Variants in TNIK observed in about 807,000 individuals in gnomAD.
TNIK encodes TRAF2 and NCK interacting kinase.
A neutral mutation model predicts 191.3 loss-of-function variants in TNIK; 49 were observed. That is an observed-to-expected ratio of 0.26 (90% CI 0.20 to 0.32). The LOEUF (loss-of-function observed/expected upper bound fraction) is 0.32, where lower values mean the gene tolerates loss of function less well. TNIK is among the 10% of genes least tolerant of loss of function. The probability of loss-of-function intolerance (pLI) is 1.00; values close to 1 mark genes in which losing one functional copy is unlikely to be tolerated. For synonymous variants in TNIK, 594 were observed against 600.9 expected (o/e 0.99, Z 0.17); for missense variants, 1,155 against 1,702.3 (o/e 0.68, Z 5.66).
At chr3:171,099,479 T>C (rs1723156773) in intron 22 of TNIK, among the ~76,000 whole-genome samples, 1 of 151,978 alleles carries the variant, frequency 6.6e-6, no homozygotes, top group South Asian at 2.1e-4. Context: ...TAAATGTAAA[T>C]TATAGTCACT....
At chr3:171,212,802 G>A (rs995266010) in intron 3 of TNIK, among the ~76,000 whole-genome samples, 6 of 152,146 alleles carry the variant, frequency 3.9e-5, no homozygotes, top group African/African-American at 1.4e-4. Context: ...ATGTTAGAAG[G>A]AACAGGTAAG....
chr3:171,409,213 A>G (rs548610690), intron 1 of TNIK, among the ~76,000 whole-genome samples: 1 of 152,346 alleles, frequency 6.6e-6, no homozygotes, highest in Admixed American at 6.5e-5. Flanking sequence ...CCTTGCAAAG[A>G]TCCAAAAGGA....
chr3:171,385,902 C>T (rs1471265695), intron 1 of TNIK, among the ~76,000 whole-genome samples: 1 of 152,040 alleles, frequency 6.6e-6, no homozygotes, highest in Non-Finnish European at 1.5e-5. Flanking sequence ...GACATGCATG[C>T]GATAAAGAAT....
chr3:171,295,004 GAAGA>G (rs970166148), intron 2 of TNIK, among the ~76,000 whole-genome samples: 18 of 111,934 alleles, frequency 1.6e-4, no homozygotes, highest in African/African-American at 4.8e-4. Context: ...TCTGGCCAGG[GAAGA>G]GAGAGAGAGA....
intron 1 of TNIK, among the ~76,000 whole-genome samples, chr3:171,453,505 C>A (rs1057469430): frequency 1.3e-5 from 2 of 151,816 alleles, no homozygotes; most frequent in Non-Finnish European, 2.9e-5. Flanking sequence ...GGTGGGAGGC[C>A]CCTCTGAATT....
chr3:171,193,780 A>G (rs924287483), intron 5 of TNIK, among the ~76,000 whole-genome samples: 2 of 152,216 alleles, frequency 1.3e-5, no homozygotes, highest in African/African-American at 4.8e-5. Context: ...ATTTAATAAG[A>G]ATGCTCAGTA....
At chr3:171,459,675 T>TACAC (rs58614773) in intron 1 of TNIK, among the ~76,000 whole-genome samples, 4,461 of 146,304 alleles carry the variant, frequency 0.03, 132 homozygotes, top group African/African-American at 0.073. Flanking sequence ...CCGGGGCGTG[T>TACAC]ACACACACAC....
intron 1 of TNIK, among the ~76,000 whole-genome samples, chr3:171,378,775 G>A (rs1577696752): frequency 6.6e-6 from 1 of 152,186 alleles, no homozygotes; most frequent in African/African-American, 2.4e-5. Context: ...AGCAAAGAGA[G>A]GCCCAGACAG....
chr3:171,302,849 ATTTGAGGGTCTCCATC>A (rs1753031925), intron 2 of TNIK, among the ~76,000 whole-genome samples: 1 of 152,164 alleles, frequency 6.6e-6, no homozygotes, highest in Non-Finnish European at 1.5e-5. Flanking sequence ...AGCTATTTCC[ATTTGAGGGTCTCCATC>A]TCCTCCACCA....
intron 21 of TNIK, 98 bp downstream of exon 21, chr3:171,107,085 G>C: frequency 7.9e-7 from 1 of 1,270,900 alleles, no homozygotes; most frequent in Admixed American, 2.2e-5. Flanking sequence ...CCTCCCAGCT[G>C]ATTGCTCCCA....
In TNIK at chr3:171,157,415, CA is replaced by C. The variant is rs1177662003; in HGVS notation, c.1221+44del. The C allele has an allele frequency of 1.5e-5, 23 of 1,546,304 alleles. No homozygotes were observed. The East Asian group carries it at 5.4e-4, about 36-fold the overall frequency. Reference sequence around the variant, plus strand: ...CCAGGGAATGCTTGGAGAGTGACCACAACTGAGAGGCTTGGGGTCAGAGGTG... The same window carrying C: ...CCAGGGAATGCTTGGAGAGTGACCACACTGAGAGGCTTGGGGTCAGAGGTG... On this transcript the variant is annotated intron_variant, in intron 12 of 32. Transcript: ENST00000436636.
intron 1 of TNIK, among the ~76,000 whole-genome samples, chr3:171,377,269 C>T (rs1251931790): frequency 6.6e-6 from 1 of 152,228 alleles, no homozygotes; most frequent in African/African-American, 2.4e-5. Context: ...TGGCTTTCAT[C>T]TCTCAGAACA....
At chr3:171,341,540 T>C (rs1242862693) in intron 2 of TNIK, among the ~76,000 whole-genome samples, 1 of 149,034 alleles carries the variant, frequency 6.7e-6, no homozygotes, top group Non-Finnish European at 1.5e-5. Flanking sequence ...TTGCTGTATG[T>C]AAATTTCATC....
intron 1 of TNIK, among the ~76,000 whole-genome samples, chr3:171,389,782 A>G (rs1719224410): frequency 1.3e-5 from 2 of 152,202 alleles, no homozygotes; most frequent in African/African-American, 4.8e-5. Flanking sequence ...AGGGTTTCCA[A>G]TGAAATGGCA....
chr3:171,154,013 G>A (rs1732823292), intron 12 of TNIK, among the ~76,000 whole-genome samples: 1 of 152,172 alleles, frequency 6.6e-6, no homozygotes, highest in South Asian at 2.1e-4. Flanking sequence ...CACAACAGAG[G>A]TGTTCACTGA....
intron 2 of TNIK, among the ~76,000 whole-genome samples, chr3:171,281,243 G>A (rs991216861): frequency 3.9e-5 from 6 of 152,030 alleles, no homozygotes; most frequent in African/African-American, 1.2e-4. Flanking sequence ...AAGAAAGGTC[G>A]GTGACAGCCT....
intron 7 of TNIK, among the ~76,000 whole-genome samples, chr3:171,185,181 G>C (rs1376780175): frequency 0.029 from 2,021 of 68,988 alleles, 39 homozygotes; most frequent in African/African-American, 0.18. Flanking sequence ...GATTTCCCGT[G>C]TGTGTGTGTG....
At chr3:171,429,970 T>C (rs1328270504) in intron 1 of TNIK, among the ~76,000 whole-genome samples, 1 of 152,160 alleles carries the variant, frequency 6.6e-6, no homozygotes, top group Non-Finnish European at 1.5e-5. Context: ...CAGCATCATT[T>C]TGTTAAAATG....
chr3:171,360,199 G>A (rs563599436), intron 2 of TNIK, among the ~76,000 whole-genome samples: 1 of 152,094 alleles, frequency 6.6e-6, no homozygotes, highest in East Asian at 1.9e-4. Flanking sequence ...GTGAGAACCT[G>A]CTAAAACCTT....
Sources: allele counts gnomAD v4.1 joint callset (sites outside exome capture counted in the v4.1 genomes callset), GRCh38; gene constraint gnomAD v4.1.1; transcripts MANE v1.5; gene names NCBI Gene and HGNC (gene_info 2026-07-23, HGNC 2026-07-21).